SUPV3L1: variants seen among roughly 807,000 people sequenced by gnomAD.
The protein encoded by SUPV3L1 is ATP-dependent RNA helicase SUPV3L1, mitochondrial.
Under a neutral mutation model 70.0 loss-of-function variants are expected in SUPV3L1, and 35 were observed. The observed-to-expected ratio is 0.50, with a 90% CI of 0.38 to 0.66. The LOEUF is 0.66. Among genes scored for constraint, SUPV3L1 ranks in the 30% least tolerant of loss-of-function variants. The pLI, the probability that SUPV3L1 is intolerant of heterozygous loss-of-function variation, is 0.00. For missense variants in SUPV3L1, 777 were observed against 961.5 expected (o/e 0.81, Z 2.54); for synonymous variants, 364 against 341.9 (o/e 1.06, Z -0.71).
At chr10:69,185,956 G>T (rs1842215323) in intron 1 of SUPV3L1, 31 bp from the exon 2 acceptor site, 1 of 1,539,516 alleles carries the variant, frequency 6.5e-7, no homozygotes, top group Non-Finnish European at 8.9e-7. Flanking sequence ...CTAAGATAAG[G>T]AAACGTTAAA....
chr10:69,181,081 G>C (rs1229584248), intron 1 of SUPV3L1, among the ~76,000 whole-genome samples: 1 of 152,206 alleles, frequency 6.6e-6, no homozygotes. Context: ...ACACGTGTAT[G>C]GAAAGTGAAC....
rs769238499 is a variant in SUPV3L1 at position 69,191,640 on chromosome 10, T to G, written c.742-15T>G. ...ATTATTTTCAATAATTCTAGTTTTT[T>G]TTCTGTCTTTCTAGGGTGTGCCATG... On this transcript the variant is annotated splice_polypyrimidine_tract_variant and intron_variant, in intron 5 of 14. Transcript: ENST00000359655. The G allele has an allele frequency of 6.2e-7, 1 of 1,608,094 alleles. No individual in the cohort carries two copies. The highest frequency in any genetic ancestry group is 8.5e-7 in the Non-Finnish European group (1 of 1,176,140).
intron 8 of SUPV3L1, 82 bp downstream of exon 8, chr10:69,197,165 TA>T: frequency 9.1e-7 from 1 of 1,102,000 alleles, no homozygotes; most frequent in Non-Finnish European, 1.4e-6. Context: ...AGGCCCTAGA[TA>T]ATGCCAGCGT....
At chr10:69,181,237 A>G (rs989735762) in intron 1 of SUPV3L1, among the ~76,000 whole-genome samples, 8 of 152,214 alleles carry the variant, frequency 5.3e-5, no homozygotes, top group Non-Finnish European at 1.5e-5. Flanking sequence ...ACAGAGAGGC[A>G]TGTGAATGTT....
At chr10:69,182,302 A>C (rs1233944185) in intron 1 of SUPV3L1, among the ~76,000 whole-genome samples, 3 of 135,294 alleles carry the variant, frequency 2.2e-5, no homozygotes, top group Admixed American at 7.6e-5. Flanking sequence ...GCCAGTCTTA[A>C]TTGTTTTTAA....
In SUPV3L1 at chr10:69,200,485, G is replaced by T. The variant is rs1348655726; in HGVS notation, c.1504G>T (p.Val502Leu). ...SLLKEILKRP[V>L]DPIRAAGLHP... is the part of the protein sequence containing the mutation. ...ATTAAAGGAAATTTTGAAGAGGCCT[G>T]TGGATCCTATAAGGGTAAGAGGTAA... Residue 502 changes from valine to leucine, a missense_variant, in exon 11 of 15, where the codon GTG becomes TTG. Physicochemically the swap from Val to Leu is conservative, Grantham distance 32 (BLOSUM62 1). This residue lies in a region of SUPV3L1 where 619 missense variants were observed against 823.3 expected (regional missense o/e 0.75). Coordinates refer to ENST00000359655, the MANE Select transcript of SUPV3L1 (RefSeq NM_003171.5). 2 of 1,613,748 alleles carry T rather than the reference G, an allele frequency of 1.2e-6. No homozygotes were observed. Among genetic ancestry groups the T allele is most frequent in the Non-Finnish European group, 1.7e-6 (2 of 1,179,744 alleles).
chr10:69,182,625 CT>C, intron 1 of SUPV3L1: 1 of 985,352 alleles, frequency 1.0e-6, no homozygotes, highest in Non-Finnish European at 1.2e-6. Flanking sequence ...GTGGAGAATC[CT>C]TAGATACTTC....
At chr10:69,186,341 A>AAAAAG in intron 2 of SUPV3L1, 102 bp from the exon 3 acceptor site, 2 of 635,056 alleles carry the variant, frequency 3.1e-6, no homozygotes, top group Non-Finnish European at 5.2e-6. Context: ...AAAAAAAAAA[A>AAAAAG]AAAGAAAAAA....
At chr10:69,196,934 ATGT>A in intron 7 of SUPV3L1, 55 bp from the exon 8 acceptor site, 1 of 1,471,124 alleles carries the variant, frequency 6.8e-7, no homozygotes, top group Non-Finnish European at 9.5e-7. Context: ...GCTATGTAAA[ATGT>A]TGTATATTTA....
intron 5 of SUPV3L1, among the ~76,000 whole-genome samples, chr10:69,189,814 T>C (rs577787122): frequency 1.3e-5 from 2 of 152,114 alleles, no homozygotes; most frequent in South Asian, 4.1e-4. Context: ...GCCTGGCTAA[T>C]TTTTTGTATT....
intron 6 of SUPV3L1, among the ~76,000 whole-genome samples, chr10:69,193,630 G>A (rs768657784): frequency 1.3e-5 from 2 of 151,890 alleles, no homozygotes; most frequent in Non-Finnish European, 2.9e-5. Context: ...GGCTGGCCTC[G>A]AACTCCCGGG....
intron 12 of SUPV3L1, 45 bp downstream of exon 12, chr10:69,202,564 T>G (rs1427727612): frequency 6.5e-7 from 1 of 1,542,782 alleles, no homozygotes; most frequent in Non-Finnish European, 8.9e-7. Context: ...AATGTTGATA[T>G]GTCAGGTGAT....
At position 69,186,475 on chromosome 10, in the gene SUPV3L1, A is replaced by C. The variant is rs758836798; in HGVS notation, c.382A>C (p.Arg128=). Reference sequence around the variant, plus strand: ...CTTCCACCAAGCTTTCATAAGCTTTAGAAATTATATTATGCAGTCTCATTC... The same window carrying C: ...CTTCCACCAAGCTTTCATAAGCTTTCGAAATTATATTATGCAGTCTCATTC... The part of the protein sequence containing the change: ...RLFHQAFISF[R]NYIMQSHSLD... The change falls in exon 3 of 15, where the codon AGA becomes CGA. Residue 128 remains arginine (R), a synonymous_variant. Transcript: ENST00000359655. 4.3e-6 allele frequency: 7 copies of C among 1,613,860 alleles called. No homozygotes were observed. In the Admixed American group the frequency reaches 1.2e-4, roughly 27 times the overall value.
At position 69,195,434 on chromosome 10, in the gene SUPV3L1, G is replaced by C. The variant is rs1435314992; in HGVS notation, c.931+169G>C. 3 of 419,672 alleles carry C rather than the reference G, an allele frequency of 7.1e-6. No homozygotes were observed. The East Asian group carries it at 1.1e-4, about 15-fold the overall frequency. The allele number at this position is 419,672 out of a possible 1,614,324, so 26.0% of individuals were successfully genotyped here. ...ATTTTCTAAATATTATTTTAATAAT[G>C]GGAAATCTATTTTTTCCTGTGCTAA... On this transcript the variant is annotated intron_variant, in intron 7 of 14. Transcript: ENST00000359655.
At chr10:69,199,631 C>T (rs1429877511) in intron 10 of SUPV3L1, among the ~76,000 whole-genome samples, 1 of 151,984 alleles carries the variant, frequency 6.6e-6, no homozygotes, top group Non-Finnish European at 1.5e-5. Context: ...GATCTTCCCA[C>T]CTCAGCCTCC....
At position 69,207,916 on chromosome 10, in the gene SUPV3L1, G is replaced by A; in HGVS notation, c.1900G>A (p.Val634Ile). 6.2e-7 allele frequency: 1 copy of A among 1,613,990 alleles called. No individual in the cohort carries two copies. Residue 634 changes from valine (V) to isoleucine (I), a missense_variant, in exon 14 of 15, where the codon GTC (valine) becomes ATC (isoleucine). Physicochemically the swap from Val to Ile is conservative, Grantham distance 29. Transcript: ENST00000359655. ...CATGGATCTTGAAGCTGTCCACGAT[G>A]TCTTGGATCTTTACTTGTGGCTAAG... ...DLMDLEAVHD[V>I]LDLYLWLSYR...
At chr10:69,199,338 C>A in intron 10 of SUPV3L1, 141 bp downstream of exon 10, 1 of 665,230 alleles carries the variant, frequency 1.5e-6, no homozygotes, top group Non-Finnish European at 2.5e-6. Context: ...TGAGGTTTGT[C>A]TTGCCTACAC....
chr10:69,200,682 C>A (rs1188386979), intron 11 of SUPV3L1, among the ~76,000 whole-genome samples, 183 bp downstream of exon 11: 1 of 152,122 alleles, frequency 6.6e-6, no homozygotes, highest in Non-Finnish European at 1.5e-5. Flanking sequence ...CCACAGAGTT[C>A]TTTGATCAGA....
intron 7 of SUPV3L1, chr10:69,195,520 A>G (rs868783): frequency 0.019 from 6,682 of 360,238 alleles, 92 homozygotes; most frequent in Middle Eastern, 0.033. Flanking sequence ...CACAACTACA[A>G]TTTATGTTTT....
Sources: gnomAD v4.1 joint callset for allele counts (sites outside exome capture counted in the v4.1 genomes callset) on GRCh38, gnomAD v4.1.1 for gene constraint, gnomAD v4.1.1 regional missense constraint, MANE v1.5 for transcripts, NCBI Gene and HGNC (gene_info 2026-07-23, HGNC 2026-07-21) for gene names.